TMEM132C: variants seen among roughly 807,000 people sequenced by gnomAD.
TMEM132C encodes the protein transmembrane protein 132C.
TMEM132C carries 29 observed loss-of-function variants against 61.4 expected under a neutral mutation model. The ratio of observed to expected loss-of-function variants is 0.47; its 90% CI spans 0.35 to 0.64. The LOEUF is 0.64. TMEM132C is among the 30% of genes least tolerant of loss of function. The probability of loss-of-function intolerance (pLI) is 0.00; values close to 1 mark genes in which losing one functional copy is unlikely to be tolerated. For synonymous variants in TMEM132C, 656 were observed against 633.1 expected, an observed-to-expected ratio of 1.04 and a Z score of -0.54; for missense variants, 1,408 against 1,476.9, an observed-to-expected ratio of 0.95 and a Z score of 0.76.
intron 3 of TMEM132C, among the ~76,000 whole-genome samples, chr12:128,596,872 C>G (rs921692314): frequency 6.7e-6 from 1 of 148,780 alleles, no homozygotes; most frequent in Non-Finnish European, 1.5e-5. Flanking sequence ...GCTTTATCAT[C>G]TCCATGGGAC....
intron 2 of TMEM132C, among the ~76,000 whole-genome samples, chr12:128,526,441 G>A (rs1253056513): frequency 6.6e-6 from 1 of 152,110 alleles, no homozygotes; most frequent in African/African-American, 2.4e-5. Context: ...ATTCATGAGG[G>A]TTCCACCCTG....
chr12:128,398,812 G>A (rs1431864095), intron 1 of TMEM132C, among the ~76,000 whole-genome samples: 14 of 139,180 alleles, frequency 1.0e-4, no homozygotes, highest in Non-Finnish European at 1.3e-4. Flanking sequence ...TGGTTTTACT[G>A]TTGTCCTCCT....
intron 2 of TMEM132C, among the ~76,000 whole-genome samples, chr12:128,528,358 A>G (rs1873166577): frequency 6.6e-6 from 1 of 152,218 alleles, no homozygotes; most frequent in Non-Finnish European, 1.5e-5. Flanking sequence ...GTGCCAGTCT[A>G]CATTCTGAAA....
chr12:128,321,273 T>G (rs1872325792), intron 1 of TMEM132C, among the ~76,000 whole-genome samples: 1 of 152,022 alleles, frequency 6.6e-6, no homozygotes, highest in Non-Finnish European at 1.5e-5. Flanking sequence ...AAACAAACCG[T>G]GTACCATGGA....
chr12:128,462,847 GC>G (rs538018847), intron 2 of TMEM132C, among the ~76,000 whole-genome samples: 33 of 152,152 alleles, frequency 2.2e-4, no homozygotes, highest in Non-Finnish European at 4.6e-4. Flanking sequence ...AGTTAGGAAT[GC>G]TTTTGGCTGC....
At chr12:128,605,028 T>TGGAC (rs1440362116) in intron 3 of TMEM132C, among the ~76,000 whole-genome samples, 1 of 148,620 alleles carries the variant, frequency 6.7e-6, no homozygotes, top group Non-Finnish European at 1.5e-5. Flanking sequence ...GATGAATGGA[T>TGGAC]GGATGGATGG....
rs139533911 is a variant in TMEM132C at position 128,446,576 on chromosome 12, G to C, written c.974+30956G>C. On this transcript the variant is annotated intron_variant, in intron 2 of 8. Transcript: ENST00000435159. Reference sequence around the variant, plus strand: ...ACTATTTAGCAAACACCTATTGACTGGAGTCAATAGTAACCTTAAAAGAAA... The same window carrying C: ...ACTATTTAGCAAACACCTATTGACTCGAGTCAATAGTAACCTTAAAAGAAA... 3.4e-3 allele frequency among the ~76,000 whole-genome samples: 515 copies of C among 152,274 alleles called. 1 individual carries two copies. The highest frequency in any genetic ancestry group is 6.4e-3 in the Admixed American group (98 of 15,286).
At chr12:128,590,140 C>G (rs1183604123) in intron 3 of TMEM132C, among the ~76,000 whole-genome samples, 3 of 152,322 alleles carry the variant, frequency 2.0e-5, no homozygotes, top group Admixed American at 2.0e-4. Context: ...CCAGGACACT[C>G]TGGCCACAGG....
chr12:128,528,842 G>A (rs1873183421), intron 2 of TMEM132C, among the ~76,000 whole-genome samples: 4 of 152,206 alleles, frequency 2.6e-5, no homozygotes, highest in Middle Eastern at 3.4e-3. Flanking sequence ...GATGGGATTG[G>A]GACCTCTCCA....
chr12:128,436,901 G>A (rs879738408), intron 2 of TMEM132C, among the ~76,000 whole-genome samples: 4 of 152,132 alleles, frequency 2.6e-5, no homozygotes, highest in Non-Finnish European at 5.9e-5. Context: ...CAAACCAAAC[G>A]TCCGTCAATG....
chr12:128,458,240 A>G (rs1870412480), intron 2 of TMEM132C, among the ~76,000 whole-genome samples: 1 of 146,354 alleles, frequency 6.8e-6, no homozygotes, highest in Non-Finnish European at 1.5e-5. Context: ...AGTGAGTATT[A>G]TAATATAATA....
chr12:128,660,970 A>T (rs77840995), intron 4 of TMEM132C, among the ~76,000 whole-genome samples: 3,711 of 152,326 alleles, frequency 0.024, 93 homozygotes, highest in African/African-American at 0.067. Context: ...TTAGATAGCG[A>T]GAGGTAAGAT....
At chr12:128,283,569 A>G (rs1870966305) in intron 1 of TMEM132C, among the ~76,000 whole-genome samples, 1 of 151,462 alleles carries the variant, frequency 6.6e-6, no homozygotes, top group Admixed American at 6.6e-5. Flanking sequence ...TCTCTCTACT[A>G]ACCTATCCTA....
intron 2 of TMEM132C, among the ~76,000 whole-genome samples, chr12:128,485,664 C>G (rs1008104928): frequency 3.3e-5 from 5 of 152,088 alleles, no homozygotes; most frequent in African/African-American, 4.8e-5. Flanking sequence ...CAGCCCCCCA[C>G]AGCAAAGATT....
At chr12:128,553,643 T>G (rs1260866200) in intron 3 of TMEM132C, among the ~76,000 whole-genome samples, 1 of 152,232 alleles carries the variant, frequency 6.6e-6, no homozygotes, top group African/African-American at 2.4e-5. Context: ...TTAGTATAAA[T>G]AAACCAGTGG....
At chr12:128,558,968 C>T (rs1565974100) in intron 3 of TMEM132C, among the ~76,000 whole-genome samples, 1 of 152,184 alleles carries the variant, frequency 6.6e-6, no homozygotes, top group Non-Finnish European at 1.5e-5. Context: ...TAGTTCCAAA[C>T]TCAAAAAGTA....
intron 5 of TMEM132C, among the ~76,000 whole-genome samples, chr12:128,670,015 T>G (rs767535368): frequency 2.2e-4 from 33 of 152,210 alleles, no homozygotes; most frequent in South Asian, 2.1e-3. Context: ...TTTTATGTGA[T>G]GAGAACTTAA....
At chr12:128,268,145 G>T (rs1870376808) in intron 1 of TMEM132C, among the ~76,000 whole-genome samples, 1 of 152,186 alleles carries the variant, frequency 6.6e-6, no homozygotes, top group African/African-American at 2.4e-5. Flanking sequence ...AGGTGGGTGC[G>T]TCCCTCGCGA....
intron 1 of TMEM132C, among the ~76,000 whole-genome samples, chr12:128,285,928 C>T (rs35301000): frequency 9.6e-4 from 60 of 62,360 alleles, no homozygotes; most frequent in East Asian, 1.9e-3. Context: ...CATCTCTATC[C>T]CTCTCTCCCT....
Sources: allele counts gnomAD v4.1 joint callset (sites outside exome capture counted in the v4.1 genomes callset), GRCh38; gene constraint gnomAD v4.1.1; transcripts MANE v1.5; gene names NCBI Gene and HGNC (gene_info 2026-07-23, HGNC 2026-07-21).